The following SYNDIG1L variants were observed in gnomAD, a reference collection of about 807,000 sequenced individuals.
SYNDIG1L encodes the protein synapse differentiation-inducing gene protein 1-like.
SYNDIG1L carries 13 observed loss-of-function variants against 20.1 expected under a neutral mutation model. The observed-to-expected ratio is 0.65, with a 90% CI of 0.42 to 1.03. The LOEUF (loss-of-function observed/expected upper bound fraction) is 1.03. SYNDIG1L is among the 50% of genes least tolerant of loss of function. The probability of loss-of-function intolerance (pLI) is 0.00; values close to 1 mark genes in which losing one functional copy is unlikely to be tolerated. For missense variants in SYNDIG1L, 294 were observed against 305.1 expected (o/e 0.96, Z 0.27); for synonymous variants, 128 against 129.3 (o/e 0.99, Z 0.07).
the SYNDIG1L span, among the ~76,000 whole-genome samples, chr14:74,440,671 C>A: frequency 4.0e-5 from 6 of 151,224 alleles, no homozygotes; most frequent in Admixed American, 6.6e-5. Flanking sequence ...GGGGACACAG[C>A]GAGACTCTGT....
At chr14:74,434,217 C>T in the SYNDIG1L span, among the ~76,000 whole-genome samples, 17 of 152,154 alleles carry the variant, frequency 1.1e-4, no homozygotes, top group Non-Finnish European at 2.1e-4. Flanking sequence ...AATATGCATG[C>T]ACTACCTTAA....
chr14:74,432,381 T>C, the SYNDIG1L span, among the ~76,000 whole-genome samples: 1 of 152,198 alleles, frequency 6.6e-6, no homozygotes, highest in Non-Finnish European at 1.5e-5. Context: ...CTCCACACCC[T>C]GGTATATAAT....
upstream of SYNDIG1L, among the ~76,000 whole-genome samples, chr14:74,428,310 C>T (rs932815287): frequency 6.6e-6 from 1 of 152,214 alleles, no homozygotes; most frequent in Non-Finnish European, 1.5e-5. Context: ...TAACCTTTAC[C>T]TCTCACAAGG....
At chr14:74,414,996 C>T (rs2086163529) in intron 1 of SYNDIG1L, among the ~76,000 whole-genome samples, 1 of 152,188 alleles carries the variant, frequency 6.6e-6, no homozygotes, top group Admixed American at 6.5e-5. Flanking sequence ...CACTGCGTTT[C>T]CCTTTGAGAC....
At chr14:74,431,249 G>T in the SYNDIG1L span, among the ~76,000 whole-genome samples, 9 of 152,252 alleles carry the variant, frequency 5.9e-5, no homozygotes, top group South Asian at 1.9e-3. Context: ...GTGTGTGTGT[G>T]TATATGTAAG....
At position 74,426,180 on chromosome 14, in the gene SYNDIG1L, G is replaced by A. The variant is rs1214297092; in HGVS notation, c.-326C>T. The stretch of plus-strand genomic sequence containing the variant: ...CCGCCGCCGCCGCCGCGCAGCCCTC[G>A]GCCCGGCCCGAGGCGGCTCCGCGCC... On this transcript the variant is annotated 5_prime_UTR_variant, in exon 1 of 4. Coordinates refer to ENST00000331628, the MANE Select transcript of SYNDIG1L (RefSeq NM_001105579.2). The A allele has an allele frequency of 6.7e-6, 1 of 149,672 alleles. No homozygotes were observed. The highest frequency in any genetic ancestry group is 6.7e-5 in the Admixed American group (1 of 14,996). 9.3% of individuals were successfully genotyped at this position (149,672 alleles called of 1,614,324 possible).
At chr14:74,412,823 C>T (rs763756260) in intron 1 of SYNDIG1L, among the ~76,000 whole-genome samples, 1 of 152,228 alleles carries the variant, frequency 6.6e-6, no homozygotes, top group African/African-American at 2.4e-5. Flanking sequence ...AGGACATGGC[C>T]CCCAAAGGTC....
the SYNDIG1L span, among the ~76,000 whole-genome samples, chr14:74,440,810 A>G: frequency 2.0e-5 from 3 of 152,188 alleles, no homozygotes; most frequent in African/African-American, 7.2e-5. Context: ...AAAGGGATAC[A>G]TTTCTAATTA....
the SYNDIG1L span, among the ~76,000 whole-genome samples, chr14:74,454,624 C>T: frequency 4.6e-5 from 7 of 152,344 alleles, 1 homozygote; most frequent in African/African-American, 1.7e-4. Flanking sequence ...GAATGTGGGT[C>T]AGTTCCTGGT....
chr14:74,473,153 G>A, the SYNDIG1L span, among the ~76,000 whole-genome samples: 30 of 152,194 alleles, frequency 2.0e-4, no homozygotes, highest in African/African-American at 6.7e-4. Context: ...AGCCCGAGGC[G>A]GGTGGATGGA....
At chr14:74,413,476 A>G (rs1210022872) in intron 1 of SYNDIG1L, among the ~76,000 whole-genome samples, 1 of 152,230 alleles carries the variant, frequency 6.6e-6, no homozygotes, top group Non-Finnish European at 1.5e-5. Context: ...GGTGAGAAAG[A>G]AGAAAAGAAA....
the SYNDIG1L span, among the ~76,000 whole-genome samples, chr14:74,463,216 A>G: frequency 2.6e-5 from 4 of 152,084 alleles, no homozygotes; most frequent in Admixed American, 1.3e-4. Flanking sequence ...AACACTCCAC[A>G]TTGGGCACTC....
At chr14:74,456,347 C>G in the SYNDIG1L span, among the ~76,000 whole-genome samples, 1 of 152,106 alleles carries the variant, frequency 6.6e-6, no homozygotes, top group Non-Finnish European at 1.5e-5. Context: ...CTGACTAACA[C>G]AGTGAAACCC....
chr14:74,459,665 G>A, the SYNDIG1L span, among the ~76,000 whole-genome samples: 2 of 152,292 alleles, frequency 1.3e-5, no homozygotes, highest in South Asian at 2.1e-4. Context: ...AGCCTGTGGG[G>A]GGACATGCAG....
the SYNDIG1L span, among the ~76,000 whole-genome samples, chr14:74,466,428 T>A: frequency 6.6e-6 from 1 of 152,166 alleles, no homozygotes; most frequent in Non-Finnish European, 1.5e-5. Flanking sequence ...CAGGGCCAAT[T>A]GGTCCATTGA....
chr14:74,420,767 G>A (rs2086214961), intron 1 of SYNDIG1L, among the ~76,000 whole-genome samples: 3 of 152,118 alleles, frequency 2.0e-5, no homozygotes, highest in African/African-American at 7.2e-5. Flanking sequence ...AAACAAAAAA[G>A]AATTATATCA....
the SYNDIG1L span, among the ~76,000 whole-genome samples, chr14:74,454,663 T>G: frequency 6.6e-6 from 1 of 152,350 alleles, no homozygotes; most frequent in African/African-American, 2.4e-5. Flanking sequence ...CTGTTTAAGA[T>G]AAATTCCACC....
At chr14:74,424,695 G>A (rs929807174) in intron 1 of SYNDIG1L, among the ~76,000 whole-genome samples, 4 of 152,164 alleles carry the variant, frequency 2.6e-5, no homozygotes, top group Non-Finnish European at 5.9e-5. Flanking sequence ...GCCATGCTGG[G>A]AGAAGAGGGG....
At chr14:74,446,205 T>C in the SYNDIG1L span, among the ~76,000 whole-genome samples, 21 of 152,190 alleles carry the variant, frequency 1.4e-4, no homozygotes, top group Non-Finnish European at 1.6e-4. Context: ...TCTTAGTAAA[T>C]TTAAATTTGT....
Sources: allele counts gnomAD v4.1 joint callset (sites outside exome capture counted in the v4.1 genomes callset), GRCh38; gene constraint gnomAD v4.1.1; transcripts MANE v1.5; gene names NCBI Gene and HGNC (gene_info 2026-07-23, HGNC 2026-07-21).